BFSP1: variants seen among roughly 807,000 people sequenced by gnomAD.
The protein encoded by BFSP1 is filensin.
In BFSP1, 38 loss-of-function variants were observed where a neutral mutation model predicts 43.9. That is an observed-to-expected ratio of 0.87 (90% CI 0.67 to 1.14). The LOEUF (loss-of-function observed/expected upper bound fraction) is 1.14, where lower values mean the gene tolerates loss of function less well. BFSP1 is among the 50% of genes most tolerant of loss of function. BFSP1 has a pLI of 0.00. For synonymous variants in BFSP1, 352 were observed against 354.8 expected (o/e 0.99, Z 0.09); for missense variants, 850 against 875.1 (o/e 0.97, Z 0.36).
At chr20:17,561,101 C>A (rs577750492), upstream of BFSP1, among the ~76,000 whole-genome samples, 1 of 152,234 alleles carries the variant, frequency 6.6e-6, no homozygotes, top group African/African-American at 2.4e-5. Flanking sequence ...TTTCATCTAT[C>A]CTTAAAAAAA....
intron 1 of BFSP1, among the ~76,000 whole-genome samples, chr20:17,556,113 T>A (rs1401073401): frequency 6.6e-6 from 1 of 152,186 alleles, no homozygotes; most frequent in Non-Finnish European, 1.5e-5. Flanking sequence ...AATGGATATA[T>A]ATTTGAGAAA....
chr20:17,499,536 C>T (rs989230259), intron 5 of BFSP1, among the ~76,000 whole-genome samples: 25 of 151,728 alleles, frequency 1.6e-4, no homozygotes, highest in Admixed American at 7.9e-4. Context: ...TGCGAGTCAC[C>T]GCACCCAGCC....
rs531709381 is a variant in BFSP1 at position 17,520,888 on chromosome 20, C to T, written c.438+3960G>A. ...GGCCTCTTGCTGCTTTCCACAGGCA[C>T]GTTTAAGAGACACATGAATTACATG... On this transcript the variant is annotated intron_variant, in intron 2 of 7. Coordinates refer to ENST00000377873, the MANE Select transcript of BFSP1 (RefSeq NM_001195.5). 3.9e-5 allele frequency among the ~76,000 whole-genome samples: 6 copies of T among 152,226 alleles called. No individual in the cohort carries two copies. In the South Asian group the frequency reaches 1.0e-3, roughly 26 times the overall value.
intron 2 of BFSP1, among the ~76,000 whole-genome samples, chr20:17,515,916 C>T (rs1195623770): frequency 6.6e-6 from 1 of 152,204 alleles, no homozygotes; most frequent in Non-Finnish European, 1.5e-5. Context: ...TCTCCATACT[C>T]GCATGAACAG....
chr20:17,544,393 GC>G (rs1433810754), intron 1 of BFSP1, among the ~76,000 whole-genome samples: 1 of 152,208 alleles, frequency 6.6e-6, no homozygotes, highest in Non-Finnish European at 1.5e-5. Flanking sequence ...GCAGGCTTTA[GC>G]ACATAGAGGT....
intron 6 of BFSP1, 149 bp downstream of exon 6, chr20:17,498,671 A>T (rs2033714241): frequency 1.1e-6 from 1 of 915,454 alleles, no homozygotes; most frequent in Non-Finnish European, 1.6e-6. Context: ...CTCCCCTACT[A>T]GTTATCCAAC....
At chr20:17,532,040 T>G (rs192997304), upstream of BFSP1, among the ~76,000 whole-genome samples, 33 of 152,306 alleles carry the variant, frequency 2.2e-4, no homozygotes, top group Admixed American at 1.8e-3. Context: ...TTAGGAGACA[T>G]GCACGGTTAT....
At position 17,494,104 on chromosome 20, in the gene BFSP1, G is replaced by A. The variant is rs16999317; in HGVS notation, c.1968C>T (p.Asp656=). 6.2e-7 allele frequency: 1 copy of A among 1,613,654 alleles called. No individual in the cohort carries two copies. Among genetic ancestry groups the A allele is most frequent in the Admixed American group, 1.7e-5 (1 of 59,976 alleles). The change falls in exon 8 of 8, where the codon GAC becomes GAT. Residue 656 remains aspartate (D), a synonymous_variant. Coordinates refer to ENST00000377873, the MANE Select transcript of BFSP1 (RefSeq NM_001195.5). The stretch of plus-strand genomic sequence containing the variant: ...AGCTCTTCTCTCCTGATTTCTTCTT[G>A]TCTGACTTTGTCTTTCCAATCATGG... ...VETMIGKTKS[D]KKKSGEKSS
At chr20:17,522,254 C>T (rs920518372) in intron 2 of BFSP1, among the ~76,000 whole-genome samples, 1 of 152,178 alleles carries the variant, frequency 6.6e-6, no homozygotes, top group Non-Finnish European at 1.5e-5. Context: ...GGCTGAGCTG[C>T]GAGGCTCTGA....
At chr20:17,551,794 C>T (rs1004614419) in intron 1 of BFSP1, among the ~76,000 whole-genome samples, 2 of 151,972 alleles carry the variant, frequency 1.3e-5, no homozygotes, top group African/African-American at 4.8e-5. Context: ...ACCAGCCTGA[C>T]CAACATGGTG....
chr20:17,554,197 C>T (rs1048426303), intron 1 of BFSP1, among the ~76,000 whole-genome samples: 5 of 152,060 alleles, frequency 3.3e-5, no homozygotes, highest in Non-Finnish European at 5.9e-5. Flanking sequence ...GGTCTAAGGA[C>T]CTGCTGGTTT....
chr20:17,500,891 A>AAAAAC (rs1175801285), intron 5 of BFSP1, among the ~76,000 whole-genome samples: 1 of 152,200 alleles, frequency 6.6e-6, no homozygotes, highest in East Asian at 1.9e-4. Flanking sequence ...CATGGTCCTC[A>AAAAAC]AAAACAAAAC....
chr20:17,540,132 G>C (rs2034693027), intron 1 of BFSP1, among the ~76,000 whole-genome samples: 1 of 152,004 alleles, frequency 6.6e-6, no homozygotes, highest in South Asian at 2.1e-4. Context: ...TGTTTAGCAG[G>C]GTCTGGCCAA....
intron 1 of BFSP1, among the ~76,000 whole-genome samples, chr20:17,552,856 A>G (rs1421228109): frequency 1.3e-5 from 2 of 152,210 alleles, no homozygotes; most frequent in Non-Finnish European, 2.9e-5. Flanking sequence ...TGAGATGTCT[A>G]TGAAACATCC....
At chr20:17,500,718 C>T (rs926617097) in intron 5 of BFSP1, among the ~76,000 whole-genome samples, 17 of 152,094 alleles carry the variant, frequency 1.1e-4, no homozygotes, top group Non-Finnish European at 1.9e-4. Flanking sequence ...CTACAGCTCA[C>T]GTTTCCCACA....
intron 1 of BFSP1, among the ~76,000 whole-genome samples, chr20:17,547,298 T>G (rs1456572883): frequency 1.3e-5 from 2 of 152,146 alleles, no homozygotes; most frequent in Non-Finnish European, 2.9e-5. Flanking sequence ...TTCTTATTCT[T>G]AAGGAGACAG....
At chr20:17,518,003 C>T (rs2034238292) in intron 2 of BFSP1, among the ~76,000 whole-genome samples, 1 of 152,176 alleles carries the variant, frequency 6.6e-6, no homozygotes, top group African/African-American at 2.4e-5. Context: ...AGTCATTCCT[C>T]ACCCCGGCCC....
chr20:17,519,046 T>C (rs527649329), intron 2 of BFSP1, among the ~76,000 whole-genome samples: 1 of 151,922 alleles, frequency 6.6e-6, no homozygotes, highest in Non-Finnish European at 1.5e-5. Context: ...TGCAGGAGTA[T>C]TGGGTGGATG....
At chr20:17,540,251 T>C (rs2034694671) in intron 1 of BFSP1, among the ~76,000 whole-genome samples, 1 of 152,166 alleles carries the variant, frequency 6.6e-6, no homozygotes, top group African/African-American at 2.4e-5. Flanking sequence ...ACCTGCCTGC[T>C]CATGATCAAC....
Sources: gnomAD v4.1 joint callset for allele counts (sites outside exome capture counted in the v4.1 genomes callset) on GRCh38, gnomAD v4.1.1 for gene constraint, MANE v1.5 for transcripts, NCBI Gene and HGNC (gene_info 2026-07-23, HGNC 2026-07-21) for gene names.